The following PTPRD variants were observed in gnomAD, a reference collection of about 807,000 sequenced individuals.
The protein encoded by PTPRD is protein tyrosine phosphatase receptor type D, also known as receptor-type tyrosine-protein phosphatase delta.
A neutral mutation model predicts 214.5 loss-of-function variants in PTPRD; 34 were observed. The observed-to-expected ratio is 0.16, with a 90% CI of 0.12 to 0.21. The LOEUF is 0.21. Among genes scored for constraint, PTPRD ranks in the 10% least tolerant of loss-of-function variants. The pLI is 1.00. For missense variants in PTPRD, 2,545 were observed against 2,398.7 expected (o/e 1.06, Z -1.27); for synonymous variants, 1,128 against 845.7 (o/e 1.33, Z -5.79).
chr9:9,362,750 G>GA (rs1480286076), intron 9 of PTPRD, among the ~76,000 whole-genome samples: 6 of 151,256 alleles, frequency 4.0e-5, no homozygotes, highest in Non-Finnish European at 7.4e-5. Context: ...TATTAACTAG[G>GA]ATTTCCTTGA....
At position 10,216,395 on chromosome 9, in the gene PTPRD, T is replaced by G. The variant is rs553421182; in HGVS notation, c.-545+124568A>C. ...TGGGGGTTCACTTTATTATTTTTAT[T>G]AAACTATCCATATAGCTTATATACA... On this transcript the variant is annotated intron_variant, in intron 3 of 45. Transcript: ENST00000381196. Among the ~76,000 whole-genome samples, 8 of 152,086 alleles carry G rather than the reference T, an allele frequency of 5.3e-5. No individual in the cohort carries two copies. In the South Asian group the frequency reaches 1.5e-3, roughly 28 times the overall value.
chr9:10,553,225 G>A (rs2061736931), intron 2 of PTPRD, among the ~76,000 whole-genome samples: 3 of 152,108 alleles, frequency 2.0e-5, no homozygotes, highest in Non-Finnish European at 2.9e-5. Context: ...ATTGCATGTG[G>A]AAGATCATTT....
At chr9:8,624,677 C>G (rs2095953980) in intron 14 of PTPRD, among the ~76,000 whole-genome samples, 1 of 151,854 alleles carries the variant, frequency 6.6e-6, no homozygotes, top group African/African-American at 2.4e-5. Flanking sequence ...GGATCACCCC[C>G]AACCCTACAG....
intron 5 of PTPRD, among the ~76,000 whole-genome samples, chr9:9,865,840 T>C (rs551612124): frequency 6.6e-6 from 1 of 152,330 alleles, no homozygotes; most frequent in South Asian, 2.1e-4. Context: ...TTAGCTCTTT[T>C]CAAAGCAAGT....
chr9:10,544,512 T>G (rs866801187), intron 2 of PTPRD, among the ~76,000 whole-genome samples: 3 of 152,142 alleles, frequency 2.0e-5, no homozygotes, highest in African/African-American at 7.2e-5. Context: ...CTCTCAATAA[T>G]GGGATAAAGC....
At chr9:10,461,899 G>A (rs937834948) in intron 2 of PTPRD, among the ~76,000 whole-genome samples, 2 of 152,114 alleles carry the variant, frequency 1.3e-5, no homozygotes, top group Admixed American at 6.5e-5. Flanking sequence ...TCGGATTACA[G>A]GCGTGAATCA....
intron 11 of PTPRD, among the ~76,000 whole-genome samples, chr9:8,813,004 A>G (rs1304189776): frequency 6.6e-6 from 1 of 152,124 alleles, no homozygotes; most frequent in Non-Finnish European, 1.5e-5. Context: ...TCCGCTCCTC[A>G]TGATATAATC....
At chr9:9,851,014 T>G (rs942503231) in intron 5 of PTPRD, among the ~76,000 whole-genome samples, 1 of 152,168 alleles carries the variant, frequency 6.6e-6, no homozygotes, top group Non-Finnish European at 1.5e-5. Flanking sequence ...CTATGTGATT[T>G]TAGACAAAAT....
intron 9 of PTPRD, among the ~76,000 whole-genome samples, chr9:9,212,106 T>A (rs2099949157): frequency 6.6e-6 from 1 of 152,208 alleles, no homozygotes; most frequent in Non-Finnish European, 1.5e-5. Flanking sequence ...CAGTGTTTTG[T>A]ATGGGCAATA....
At chr9:9,212,266 A>C (rs2099949253) in intron 9 of PTPRD, among the ~76,000 whole-genome samples, 1 of 152,126 alleles carries the variant, frequency 6.6e-6, no homozygotes, top group South Asian at 2.1e-4. Flanking sequence ...AACAGCCTTA[A>C]ATTATTGCCA....
At chr9:10,345,089 T>A (rs1050607210) in intron 2 of PTPRD, among the ~76,000 whole-genome samples, 2 of 152,174 alleles carry the variant, frequency 1.3e-5, no homozygotes, top group Non-Finnish European at 2.9e-5. Flanking sequence ...CTTTTTGGTA[T>A]GCTGATGAAT....
rs114519185 is a variant in PTPRD at position 9,179,375 on chromosome 9, C to T, written c.-143+3929G>A. Among the ~76,000 whole-genome samples the T allele has an allele frequency of 6.0e-3, 915 of 152,164 alleles. 14 individuals carry two copies. Among genetic ancestry groups the T allele is most frequent in the African/African-American group, 0.021 (869 of 41,522 alleles). On this transcript the variant is annotated intron_variant, in intron 10 of 45. Coordinates refer to ENST00000381196, the MANE Select transcript of PTPRD (RefSeq NM_002839.4). ...ATATTTCCAAATGCAGACATTTTAACAGTTTCTGGCTATCATTAGCTTGAT... is the reference window on the plus strand; with the variant it reads ...ATATTTCCAAATGCAGACATTTTAATAGTTTCTGGCTATCATTAGCTTGAT...
chr9:10,289,983 A>T (rs1041146269), intron 3 of PTPRD, among the ~76,000 whole-genome samples: 1 of 152,172 alleles, frequency 6.6e-6, no homozygotes, highest in Non-Finnish European at 1.5e-5. Context: ...GTGAAATTTA[A>T]AAGTTGGCAT....
chr9:10,111,351 G>A (rs2098690488), intron 3 of PTPRD, among the ~76,000 whole-genome samples: 1 of 137,552 alleles, frequency 7.3e-6, no homozygotes, highest in African/African-American at 2.8e-5. Flanking sequence ...CCATTCTCCT[G>A]CCTCAGCCTC....
At chr9:8,942,629 A>C (rs2099040659) in intron 11 of PTPRD, among the ~76,000 whole-genome samples, 1 of 152,174 alleles carries the variant, frequency 6.6e-6, no homozygotes, top group African/African-American at 2.4e-5. Context: ...AATTTGATTA[A>C]ACATGACAAC....
chr9:10,006,145 G>A (rs941128620), intron 4 of PTPRD, among the ~76,000 whole-genome samples: 2 of 151,912 alleles, frequency 1.3e-5, no homozygotes, highest in Admixed American at 6.6e-5. Context: ...AAGTTTTTAA[G>A]AGAAGCACTA....
chr9:9,646,879 T>C (rs772884362), intron 7 of PTPRD, among the ~76,000 whole-genome samples: 111 of 152,270 alleles, frequency 7.3e-4, no homozygotes, highest in Non-Finnish European at 1.3e-3. Flanking sequence ...GTGGTCTTTC[T>C]CTCTCTCAGA....
intron 3 of PTPRD, among the ~76,000 whole-genome samples, chr9:10,288,409 T>C (rs2095428714): frequency 6.6e-6 from 1 of 152,154 alleles, no homozygotes; most frequent in Admixed American, 6.6e-5. Flanking sequence ...TATAAGATGA[T>C]AAACATCAGT....
At chr9:9,660,075 T>C (rs981304557) in intron 7 of PTPRD, among the ~76,000 whole-genome samples, 9 of 152,144 alleles carry the variant, frequency 5.9e-5, no homozygotes, top group Non-Finnish European at 1.5e-5. Flanking sequence ...TAGACTGGTA[T>C]ATGCCTTTTT....
Sources: allele counts gnomAD v4.1 joint callset (sites outside exome capture counted in the v4.1 genomes callset), GRCh38; gene constraint gnomAD v4.1.1; transcripts MANE v1.5; gene names NCBI Gene and HGNC (gene_info 2026-07-23, HGNC 2026-07-21).